Variants in NOX4 observed in about 807,000 individuals in gnomAD.
NOX4 encodes the protein kidney oxidase-1.
NOX4 carries 69 observed loss-of-function variants against 87.6 expected under a neutral mutation model. That is an observed-to-expected ratio of 0.79 (90% CI 0.65 to 0.96). NOX4 has a LOEUF of 0.96. Among genes scored for constraint, NOX4 ranks in the 40% least tolerant of loss-of-function variants. The pLI, the probability that NOX4 is intolerant of heterozygous loss-of-function variation, is 0.00. For missense variants in NOX4, 680 were observed against 681.5 expected (o/e 1.00, Z 0.02); for synonymous variants, 275 against 238.2 (o/e 1.15, Z -1.42).
At chr11:89,435,605 T>C (rs987237932) in intron 6 of NOX4, among the ~76,000 whole-genome samples, 2 of 152,094 alleles carry the variant, frequency 1.3e-5, no homozygotes, top group African/African-American at 2.4e-5. Flanking sequence ...CTTAAACTTA[T>C]TAGATCAGAG....
intron 2 of NOX4, among the ~76,000 whole-genome samples, chr11:89,483,828 T>C (rs1462807240): frequency 6.6e-6 from 1 of 152,140 alleles, no homozygotes; most frequent in Non-Finnish European, 1.5e-5. Context: ...TTTCACAATA[T>C]ACACATATTT....
intron 17 of NOX4, among the ~76,000 whole-genome samples, chr11:89,329,328 C>A (rs1590933212): frequency 7.3e-5 from 6 of 81,854 alleles, no homozygotes; most frequent in Admixed American, 1.4e-4. Context: ...AGAAATTATC[C>A]AAATTGAAGC....
chr11:89,343,553 A>G (rs1280458194), intron 13 of NOX4, among the ~76,000 whole-genome samples: 1 of 152,044 alleles, frequency 6.6e-6, no homozygotes, highest in Non-Finnish European at 1.5e-5. Context: ...ACTTCATGAC[A>G]TCTACTTTTT....
At chr11:89,469,421 A>C (rs1215219621) in intron 2 of NOX4, among the ~76,000 whole-genome samples, 1 of 152,218 alleles carries the variant, frequency 6.6e-6, no homozygotes, top group Non-Finnish European at 1.5e-5. Flanking sequence ...TTTGTCTAAA[A>C]ATATGTAAAT....
intron 7 of NOX4, among the ~76,000 whole-genome samples, chr11:89,423,844 A>G (rs1943220797): frequency 6.6e-6 from 1 of 152,050 alleles, no homozygotes; most frequent in African/African-American, 2.4e-5. Context: ...ACTTGAGCCC[A>G]GGAGTCTGAG....
At chr11:89,331,514 C>T (rs1289941479) in intron 17 of NOX4, among the ~76,000 whole-genome samples, 1 of 151,576 alleles carries the variant, frequency 6.6e-6, no homozygotes, top group African/African-American at 2.4e-5. Flanking sequence ...ATTTAAATTA[C>T]TATTGAAACA....
intron 16 of NOX4, among the ~76,000 whole-genome samples, chr11:89,336,901 A>G (rs1945736018): frequency 6.6e-6 from 1 of 152,010 alleles, no homozygotes; most frequent in South Asian, 2.1e-4. Flanking sequence ...TCATGCCTAG[A>G]TTTATACACC....
chr11:89,560,361 T>A, the NOX4 span, among the ~76,000 whole-genome samples: 2 of 152,128 alleles, frequency 1.3e-5, no homozygotes, highest in Non-Finnish European at 2.9e-5. Flanking sequence ...CACCTTTGAT[T>A]TTTTAGCCCC....
At chr11:89,337,577 C>G in intron 15 of NOX4, 62 bp from the exon 16 acceptor site, 2 of 1,593,336 alleles carry the variant, frequency 1.3e-6, no homozygotes, top group Non-Finnish European at 1.7e-6. Context: ...AGATTTTCTC[C>G]TATTCTAACA....
At chr11:89,495,099 C>T (rs773123571), upstream of NOX4, among the ~76,000 whole-genome samples, 4 of 152,076 alleles carry the variant, frequency 2.6e-5, no homozygotes, top group African/African-American at 7.2e-5. Flanking sequence ...CACACCACCA[C>T]GCCTGGTTCA....
intron 14 of NOX4, 65 bp from the exon 15 acceptor site, chr11:89,340,236 A>AT (rs1210138728): frequency 1.8e-6 from 2 of 1,109,882 alleles, no homozygotes; most frequent in Non-Finnish European, 2.7e-6. Context: ...GAATTCGTAT[A>AT]TTTTTTAAAG....
At chr11:89,561,892 T>TTA in the NOX4 span, among the ~76,000 whole-genome samples, 1 of 152,170 alleles carries the variant, frequency 6.6e-6, no homozygotes, top group South Asian at 2.1e-4. Context: ...CTTTGCTATG[T>TTA]TATATACTGC....
chr11:89,422,566 G>A (rs1185559190), intron 7 of NOX4, among the ~76,000 whole-genome samples: 1 of 152,044 alleles, frequency 6.6e-6, no homozygotes, highest in African/African-American at 2.4e-5. Flanking sequence ...AAGTAAAAGA[G>A]AAACAGTTAT....
At position 89,398,677 on chromosome 11, in the gene NOX4, C is replaced by T. The variant is rs1194234055; in HGVS notation, c.1074+1340G>A. On this transcript the variant is annotated intron_variant, in intron 11 of 17. Coordinates refer to ENST00000263317, the MANE Select transcript of NOX4 (RefSeq NM_016931.5). Reference sequence around the variant, plus strand: ...TTTACAACATGTTCCCATCTGTCTGCATGTATACATACCATATATATAAAA... The same window carrying T: ...TTTACAACATGTTCCCATCTGTCTGTATGTATACATACCATATATATAAAA... 4.0e-5 allele frequency among the ~76,000 whole-genome samples: 6 copies of T among 150,866 alleles called. No individual in the cohort carries two copies. In the East Asian group the frequency reaches 1.2e-3, roughly 30 times the overall value.
At chr11:89,353,510 A>G (rs1226032519) in intron 13 of NOX4, among the ~76,000 whole-genome samples, 1 of 152,182 alleles carries the variant, frequency 6.6e-6, no homozygotes, top group Non-Finnish European at 1.5e-5. Flanking sequence ...ATTTCTAGAC[A>G]TATCTAGGCT....
chr11:89,466,998 A>G (rs1205924128), intron 2 of NOX4, among the ~76,000 whole-genome samples: 1 of 152,212 alleles, frequency 6.6e-6, no homozygotes, highest in Non-Finnish European at 1.5e-5. Flanking sequence ...GTAATGGAAC[A>G]TAAAGCTGGA....
At chr11:89,364,210 G>A (rs1056347183) in intron 12 of NOX4, among the ~76,000 whole-genome samples, 2 of 151,972 alleles carry the variant, frequency 1.3e-5, no homozygotes, top group Non-Finnish European at 2.9e-5. Context: ...TTATGCTACT[G>A]CACACCAGCC....
At position 89,344,712 on chromosome 11, in the gene NOX4, G is replaced by C. The variant is rs192129497; in HGVS notation, c.1218-2519C>G. On this transcript the variant is annotated intron_variant, in intron 13 of 17. Coordinates refer to ENST00000263317, the MANE Select transcript of NOX4 (RefSeq NM_016931.5). ...TTAATCCACACAACAACTTTCATAGGAAAGTATAATGCCCATTTTGTTGCA... is the reference window on the plus strand; with the variant it reads ...TTAATCCACACAACAACTTTCATAGCAAAGTATAATGCCCATTTTGTTGCA... Among the ~76,000 whole-genome samples, 61 of 152,148 alleles carry C rather than the reference G, an allele frequency of 4.0e-4. No individual in the cohort carries two copies. In the East Asian group the frequency reaches 0.011, roughly 28 times the overall value.
At chr11:89,376,652 G>A (rs1292434164) in intron 11 of NOX4, among the ~76,000 whole-genome samples, 2 of 152,174 alleles carry the variant, frequency 1.3e-5, no homozygotes, top group Non-Finnish European at 2.9e-5. Context: ...GGAGGCCGGG[G>A]CAGGTGGATC....
Sources: allele counts gnomAD v4.1 joint callset (sites outside exome capture counted in the v4.1 genomes callset), GRCh38; gene constraint gnomAD v4.1.1; transcripts MANE v1.5; gene names NCBI Gene and HGNC (gene_info 2026-07-23, HGNC 2026-07-21).